ROBO2: variants seen among roughly 807,000 people sequenced by gnomAD.
The protein encoded by ROBO2 is roundabout homolog 2.
ROBO2 carries 53 observed loss-of-function variants against 160.8 expected under a neutral mutation model. That is an observed-to-expected ratio of 0.33 (90% CI 0.26 to 0.41). ROBO2 has a LOEUF of 0.41. Among genes scored for constraint, ROBO2 ranks in the 10% least tolerant of loss-of-function variants. The pLI is 1.00. For synonymous variants in ROBO2, 664 were observed against 611.7 expected (o/e 1.09, Z -1.26); for missense variants, 1,577 against 1,722.4 (o/e 0.92, Z 1.49).
intron 2 of ROBO2, among the ~76,000 whole-genome samples, chr3:76,689,645 A>G (rs1234651158): frequency 6.6e-6 from 1 of 152,182 alleles, no homozygotes; most frequent in Non-Finnish European, 1.5e-5. Flanking sequence ...TTAATAAACA[A>G]TGATCATCTC....
intron 2 of ROBO2, among the ~76,000 whole-genome samples, chr3:76,545,751 A>T (rs2083061586): frequency 6.6e-6 from 1 of 151,838 alleles, no homozygotes; most frequent in Admixed American, 6.6e-5. Flanking sequence ...TTTATCTTAT[A>T]CTTTGTCAAA....
chr3:77,289,596 A>G (rs371686734), intron 2 of ROBO2, among the ~76,000 whole-genome samples: 1 of 152,158 alleles, frequency 6.6e-6, no homozygotes, highest in Non-Finnish European at 1.5e-5. Context: ...CACCAAAGAC[A>G]TAAAGTAAAA....
At chr3:75,989,461 G>T (rs1014497272) in intron 2 of ROBO2, among the ~76,000 whole-genome samples, 2 of 152,062 alleles carry the variant, frequency 1.3e-5, no homozygotes, top group Non-Finnish European at 2.9e-5. Context: ...TTTAAAATTG[G>T]TTAACCCAAC....
At chr3:76,904,545 A>T (rs2075459336) in intron 2 of ROBO2, among the ~76,000 whole-genome samples, 1 of 152,126 alleles carries the variant, frequency 6.6e-6, no homozygotes, top group African/African-American at 2.4e-5. Context: ...TACCAGTTTC[A>T]TCTCTCTTCA....
rs558237304 is a variant in ROBO2 at position 76,247,084 on chromosome 3, G to C, written c.109+309482G>C. On this transcript the variant is annotated intron_variant, in intron 2 of 26. Transcript: ENST00000487694. ...TAGTTTCTGTTGTACTACCATGCCA[G>C]CTATTTGAAGAGAAACATCGTTTCC... Among the ~76,000 whole-genome samples, 8 of 152,110 alleles carry C rather than the reference G, an allele frequency of 5.3e-5. 1 individual carries two copies. The highest frequency in any genetic ancestry group is 3.2e-3 in the Middle Eastern group (1 of 316).
chr3:76,366,172 T>C (rs1299520547), intron 2 of ROBO2, among the ~76,000 whole-genome samples: 1 of 152,054 alleles, frequency 6.6e-6, no homozygotes, highest in Admixed American at 6.6e-5. Context: ...CTCATTTCAC[T>C]CTGCTCTTCC....
intron 2 of ROBO2, among the ~76,000 whole-genome samples, chr3:77,373,128 T>TAAAATTATTATA (rs1032070688): frequency 5.4e-5 from 8 of 147,072 alleles, no homozygotes; most frequent in African/African-American, 1.5e-4. Context: ...ATAAAAGTTA[T>TAAAATTATTATA]AAAATTATTA....
intron 2 of ROBO2, among the ~76,000 whole-genome samples, chr3:76,742,761 A>T (rs1181980820): frequency 2.6e-5 from 4 of 152,108 alleles, no homozygotes; most frequent in African/African-American, 9.6e-5. Context: ...TTCACAAAAA[A>T]ATATGATTAG....
At chr3:76,925,894 T>C (rs1194490529) in intron 2 of ROBO2, among the ~76,000 whole-genome samples, 3 of 152,190 alleles carry the variant, frequency 2.0e-5, no homozygotes, top group African/African-American at 2.4e-5. Context: ...AAAGAGCCTA[T>C]AATCCTCTGG....
intron 2 of ROBO2, among the ~76,000 whole-genome samples, chr3:76,283,435 A>G (rs1708349594): frequency 6.6e-6 from 1 of 151,816 alleles, no homozygotes; most frequent in Non-Finnish European, 1.5e-5. Context: ...GTCATTTCTT[A>G]GGCCCTGGCA....
At chr3:77,126,858 G>A (rs2075375443) in intron 2 of ROBO2, among the ~76,000 whole-genome samples, 1 of 140,160 alleles carries the variant, frequency 7.1e-6, no homozygotes, top group African/African-American at 2.7e-5. Context: ...GTGCAATCTC[G>A]GCTCACTGCA....
intron 2 of ROBO2, among the ~76,000 whole-genome samples, chr3:76,054,180 T>A (rs1292051153): frequency 6.6e-6 from 1 of 152,144 alleles, no homozygotes; most frequent in African/African-American, 2.4e-5. Flanking sequence ...GCAACCTCTA[T>A]CATGAACGAA....
intron 2 of ROBO2, among the ~76,000 whole-genome samples, chr3:76,939,888 C>G (rs1446973295): frequency 6.6e-6 from 1 of 151,602 alleles, no homozygotes; most frequent in African/African-American, 2.4e-5. Flanking sequence ...CTAGAACTAT[C>G]TTTTAACCTT....
At chr3:77,091,154 G>A (rs1312245590) in intron 1 of ROBO2, among the ~76,000 whole-genome samples, 1 of 152,082 alleles carries the variant, frequency 6.6e-6, no homozygotes, top group Non-Finnish European at 1.5e-5. Flanking sequence ...ATAAAACTTG[G>A]TTCAAGGAAA....
chr3:77,435,591 C>T (rs1382636808), intron 2 of ROBO2, among the ~76,000 whole-genome samples: 1 of 151,676 alleles, frequency 6.6e-6, no homozygotes, highest in African/African-American at 2.4e-5. Context: ...TAATTGTACC[C>T]CAATTTGTAA....
chr3:76,742,194 A>C (rs2108055103), intron 2 of ROBO2, among the ~76,000 whole-genome samples: 1 of 150,664 alleles, frequency 6.6e-6, no homozygotes, highest in African/African-American at 2.4e-5. Context: ...ATACAAAGAT[A>C]AAGATGTTCT....
chr3:76,540,187 A>T (rs952475866), intron 2 of ROBO2, among the ~76,000 whole-genome samples: 1 of 152,162 alleles, frequency 6.6e-6, no homozygotes, highest in Middle Eastern at 3.2e-3. Context: ...GGAGAAGAAT[A>T]TGAATTGGAA....
rs190708007 is a variant in ROBO2 at position 76,102,066 on chromosome 3, C to T, written c.109+164464C>T. Among the ~76,000 whole-genome samples, 333 of 150,814 alleles carry T rather than the reference C, an allele frequency of 2.2e-3. 3 individuals carry two copies. The highest frequency in any genetic ancestry group is 7.9e-3 in the African/African-American group (323 of 40,896). ...GTGTCCATGTGTTCCCATTGTACCCCGGGGTGTGATGTTCCCCTTCCTGTG... is the reference window on the plus strand; with the variant it reads ...GTGTCCATGTGTTCCCATTGTACCCTGGGGTGTGATGTTCCCCTTCCTGTG... On this transcript the variant is annotated intron_variant, in intron 2 of 26. Transcript: ENST00000487694.
At chr3:76,152,529 TG>T (rs2072251446) in intron 2 of ROBO2, among the ~76,000 whole-genome samples, 1 of 152,146 alleles carries the variant, frequency 6.6e-6, no homozygotes, top group Non-Finnish European at 1.5e-5. Context: ...GGTAGGGATT[TG>T]GGGATTGTCC....
Sources: gnomAD v4.1 joint callset for allele counts (sites outside exome capture counted in the v4.1 genomes callset) on GRCh38, gnomAD v4.1.1 for gene constraint, MANE v1.5 for transcripts, NCBI Gene and HGNC (gene_info 2026-07-23, HGNC 2026-07-21) for gene names.